The following PCBD2 variants were observed in gnomAD, a reference collection of about 807,000 sequenced individuals.
The protein encoded by PCBD2 is pterin-4 alpha-carbinolamine dehydratase 2.
PCBD2 carries 12 observed loss-of-function variants against 16.4 expected under a neutral mutation model. The observed-to-expected ratio is 0.73, with a 90% CI of 0.47 to 1.19. The LOEUF is 1.19. Among genes scored for constraint, PCBD2 ranks in the 50% most tolerant of loss-of-function variants. PCBD2 has a pLI of 0.00. For missense variants in PCBD2, 138 were observed against 156.8 expected (o/e 0.88, Z 0.64); for synonymous variants, 58 against 61.8 (o/e 0.94, Z 0.29).
At chr5:134,951,610 T>C (rs924796517) in intron 2 of PCBD2, among the ~76,000 whole-genome samples, 3 of 152,250 alleles carry the variant, frequency 2.0e-5, no homozygotes, top group African/African-American at 4.8e-5. Context: ...TATCAACTTA[T>C]ATTCACCAGC....
chr5:134,926,046 G>T lies in PCBD2; in HGVS notation c.216+15580G>T, dbSNP rs1750989752. On this transcript the variant is annotated intron_variant, in intron 2 of 3. Transcript: ENST00000254908. ...CGCCTTCTCAGCCGATGAATAGCTG[G>T]AATAGGTTGTTAGCAGTGACTAGGA... The T allele has an allele frequency of 1.3e-5, 5 of 371,348 alleles. No homozygotes were observed. The South Asian group carries it at 5.6e-4, about 41-fold the overall frequency. 23.0% of individuals were successfully genotyped at this position (371,348 alleles called of 1,614,324 possible).
intron 2 of PCBD2, among the ~76,000 whole-genome samples, chr5:134,914,107 T>C (rs1345964038): frequency 6.6e-6 from 1 of 152,100 alleles, no homozygotes; most frequent in Non-Finnish European, 1.5e-5. Flanking sequence ...TGTGAGAGCA[T>C]GGTCCAGTTA....
intron 2 of PCBD2, among the ~76,000 whole-genome samples, chr5:134,915,400 G>A (rs148115573): frequency 2.4e-4 from 35 of 146,584 alleles, no homozygotes; most frequent in African/African-American, 8.8e-4. Context: ...CAAATAGGAT[G>A]TATGGGGATG....
intron 2 of PCBD2, among the ~76,000 whole-genome samples, chr5:134,940,872 G>C (rs778013816): frequency 6.6e-6 from 1 of 152,022 alleles, no homozygotes; most frequent in Non-Finnish European, 1.5e-5. Context: ...GTTCACGCCT[G>C]TAATCCCAGC....
chr5:134,913,183 T>C (rs941441437), intron 2 of PCBD2, among the ~76,000 whole-genome samples: 1 of 152,216 alleles, frequency 6.6e-6, no homozygotes, highest in East Asian at 1.9e-4. Flanking sequence ...TCTAAGCTCA[T>C]ACAGCTCCCA....
At chr5:134,952,029 T>C (rs1012613306) in intron 2 of PCBD2, among the ~76,000 whole-genome samples, 17 of 152,130 alleles carry the variant, frequency 1.1e-4, no homozygotes, top group African/African-American at 4.1e-4. Context: ...TTTAAAGTTT[T>C]CAGGAAATAG....
intron 2 of PCBD2, among the ~76,000 whole-genome samples, chr5:134,932,980 G>A (rs1751116453): frequency 6.6e-6 from 1 of 151,972 alleles, no homozygotes; most frequent in Non-Finnish European, 1.5e-5. Context: ...CATTTGAGTG[G>A]CATGTTCAGC....
intron 2 of PCBD2, among the ~76,000 whole-genome samples, chr5:134,943,002 T>C (rs1751247386): frequency 6.6e-6 from 1 of 152,254 alleles, no homozygotes; most frequent in African/African-American, 2.4e-5. Context: ...TTTAGAGTCT[T>C]TCTCATGGTT....
intron 2 of PCBD2, among the ~76,000 whole-genome samples, chr5:134,912,038 C>G (rs564312653): frequency 2.0e-5 from 3 of 152,364 alleles, no homozygotes. Context: ...CAGGCCCTGC[C>G]TATGATTCAG....
intron 2 of PCBD2, among the ~76,000 whole-genome samples, chr5:134,919,791 GTTCTGT>G (rs1750880682): frequency 6.6e-6 from 1 of 152,170 alleles, no homozygotes; most frequent in Non-Finnish European, 1.5e-5. Flanking sequence ...GCTCATTTCT[GTTCTGT>G]TTCTGTTTTT....
intron 1 of PCBD2, among the ~76,000 whole-genome samples, chr5:134,907,187 C>A (rs372563783): frequency 8.6e-4 from 131 of 152,368 alleles, no homozygotes; most frequent in African/African-American, 3.0e-3. Flanking sequence ...ACACATAATT[C>A]TGTTTCTTTT....
chr5:134,921,364 G>C (rs1458244139), intron 2 of PCBD2, among the ~76,000 whole-genome samples: 1 of 152,206 alleles, frequency 6.6e-6, no homozygotes, highest in East Asian at 1.9e-4. Context: ...CAGGGTGGCT[G>C]CTGCCTGGAG....
chr5:134,942,077 G>A (rs1444480585), intron 2 of PCBD2, among the ~76,000 whole-genome samples: 1 of 133,592 alleles, frequency 7.5e-6, no homozygotes, highest in Non-Finnish European at 1.5e-5. Flanking sequence ...CTTGCAGTGA[G>A]CCAAGATCAT....
chr5:134,921,455 A>G (rs142868399), intron 2 of PCBD2, among the ~76,000 whole-genome samples: 1,719 of 152,230 alleles, frequency 0.011, 17 homozygotes, highest in Non-Finnish European at 0.017. Context: ...AGCAGGTGAC[A>G]TAGGTCTAGG....
chr5:134,905,920 C>G (rs1455129598), intron 1 of PCBD2, among the ~76,000 whole-genome samples: 2 of 152,162 alleles, frequency 1.3e-5, no homozygotes, highest in Admixed American at 6.5e-5. Flanking sequence ...TCGCCGAGCC[C>G]GGAGTGGAGT....
chr5:134,911,665 A>G (rs1174998951), intron 2 of PCBD2, among the ~76,000 whole-genome samples: 1 of 152,232 alleles, frequency 6.6e-6, no homozygotes, highest in East Asian at 1.9e-4. Context: ...GATTTGCACC[A>G]AAGAAACCTT....
chr5:134,946,282 A>C (rs2149538629), intron 2 of PCBD2, among the ~76,000 whole-genome samples: 1 of 152,204 alleles, frequency 6.6e-6, no homozygotes, highest in East Asian at 1.9e-4. Context: ...AGGTTCAGGG[A>C]CTATTCCAAG....
chr5:134,910,792 A>G (rs1286913490), intron 2 of PCBD2, among the ~76,000 whole-genome samples: 1 of 152,124 alleles, frequency 6.6e-6, no homozygotes, highest in East Asian at 1.9e-4. Context: ...GCCTTTTATT[A>G]TTGATTATTA....
At chr5:134,944,698 A>G (rs1407095000) in intron 2 of PCBD2, among the ~76,000 whole-genome samples, 1 of 152,212 alleles carries the variant, frequency 6.6e-6, no homozygotes, top group Non-Finnish European at 1.5e-5. Context: ...TTGACATTGT[A>G]CTGGTACCTG....
Sources: gnomAD v4.1 joint callset for allele counts (sites outside exome capture counted in the v4.1 genomes callset) on GRCh38, gnomAD v4.1.1 for gene constraint, MANE v1.5 for transcripts, NCBI Gene and HGNC (gene_info 2026-07-23, HGNC 2026-07-21) for gene names.